The following GALK2 variants were observed in gnomAD, a reference collection of about 807,000 sequenced individuals.
GALK2 encodes N-acetylgalactosamine kinase.
A neutral mutation model predicts 52.4 loss-of-function variants in GALK2; 36 were observed. The ratio of observed to expected loss-of-function variants is 0.69; its 90% CI spans 0.53 to 0.91. GALK2 has a LOEUF of 0.91. Among genes scored for constraint, GALK2 ranks in the 40% least tolerant of loss-of-function variants. The pLI is 0.00. For synonymous variants in GALK2, 176 were observed against 199.1 expected (o/e 0.88, Z 0.98); for missense variants, 579 against 559.1 (o/e 1.04, Z -0.36).
chr15:49,360,445 G>T (rs1384181732), intron 3 of GALK2, among the ~76,000 whole-genome samples: 1 of 152,064 alleles, frequency 6.6e-6, no homozygotes, highest in South Asian at 2.1e-4. Context: ...CCAACATTTT[G>T]GCTCTGAGTT....
At chr15:49,274,762 AT>A (rs1193796396) in intron 5 of GALK2, among the ~76,000 whole-genome samples, 3 of 152,044 alleles carry the variant, frequency 2.0e-5, no homozygotes, top group Non-Finnish European at 4.4e-5. Flanking sequence ...AAATTTTTTA[AT>A]TTTTTAACGT....
In GALK2 at chr15:49,329,029, C is replaced by T. The variant is rs1342496751; in HGVS notation, c.*870C>T. 2.5e-5 allele frequency: 25 copies of T among 1,007,288 alleles called. No homozygotes were observed. Among genetic ancestry groups the T allele is most frequent in the South Asian group, 4.4e-5 (1 of 22,638 alleles). The allele number at this position is 1,007,288 out of a possible 1,614,324, so 62.4% of individuals were successfully genotyped here. A position where few individuals can be genotyped will look rare whatever the true frequency, so the allele number is the denominator to read the frequency against. On this transcript the variant is annotated 3_prime_UTR_variant, in exon 10 of 10. Transcript: ENST00000560031. ...TTACTTTCTTATCACTCTTTTTCTA[C>T]TACTTTTTCTCAAATACCTCTCTAA... is the stretch of plus-strand genomic sequence containing the variant.
At chr15:49,199,220 A>G (rs1048020108) in intron 1 of GALK2, 2 of 152,004 alleles carry the variant, frequency 1.3e-5, no homozygotes, top group Admixed American at 6.6e-5. Context: ...TTGTTTCACT[A>G]TGTTTTGTAG....
intron 5 of GALK2, among the ~76,000 whole-genome samples, chr15:49,244,878 T>C (rs1341738319): frequency 1.3e-5 from 2 of 152,160 alleles, no homozygotes; most frequent in African/African-American, 4.8e-5. Context: ...CTGGTTAATC[T>C]GATATGTTCA....
intron 5 of GALK2, among the ~76,000 whole-genome samples, chr15:49,259,166 G>A (rs1253767663): frequency 2.6e-5 from 4 of 151,720 alleles, no homozygotes; most frequent in Non-Finnish European, 5.9e-5. Context: ...GAAGGATAAA[G>A]TGAGTAGTTC....
chr15:49,300,664 T>C (rs1053268947), intron 8 of GALK2, among the ~76,000 whole-genome samples: 1 of 152,074 alleles, frequency 6.6e-6, no homozygotes, highest in Non-Finnish European at 1.5e-5. Context: ...GTTTTCATGA[T>C]TGTGAGTGAG....
Position 49,361,580 on chromosome 15 carries a change from T to G in GALK2, c.427-5911T>G, listed in dbSNP as rs138876865. ...TATTGCTGCAAAGGACATGATCTTG[T>G]TAGTTTTTATGGCTGCACAGTATTC... On this transcript the variant is annotated intron_variant, in intron 3 of 3. Transcript: ENST00000558399. Among the ~76,000 whole-genome samples the G allele has an allele frequency of 8.4e-4, 128 of 152,312 alleles. 1 individual carries two copies. The highest frequency in any genetic ancestry group is 2.9e-3 in the African/African-American group (122 of 41,574).
chr15:49,258,829 T>A (rs8030740), intron 5 of GALK2, among the ~76,000 whole-genome samples: 71,855 of 123,392 alleles, frequency 0.58, 21,547 homozygotes, highest in Non-Finnish European at 0.63. Context: ...TGTGTGTGTG[T>A]GAGAGAGAGA....
chr15:49,321,158 T>A (rs1476876800), intron 9 of GALK2, among the ~76,000 whole-genome samples: 2 of 152,250 alleles, frequency 1.3e-5, no homozygotes, highest in Admixed American at 1.3e-4. Flanking sequence ...GTACTCTTTC[T>A]GTGGAGTGGT....
At chr15:49,206,647 T>G (rs1031926643) in intron 2 of GALK2, among the ~76,000 whole-genome samples, 1 of 152,184 alleles carries the variant, frequency 6.6e-6, no homozygotes, top group Non-Finnish European at 1.5e-5. Context: ...CTCTGGTCGC[T>G]GTTGGTATAT....
intron 8 of GALK2, among the ~76,000 whole-genome samples, chr15:49,316,386 G>A (rs573456167): frequency 1.4e-5 from 2 of 146,582 alleles, no homozygotes; most frequent in Non-Finnish European, 3.0e-5. Context: ...AACACCACAT[G>A]TTCTCACTCG....
chr15:49,242,369 A>G (rs1253137984), intron 5 of GALK2, among the ~76,000 whole-genome samples: 1 of 152,210 alleles, frequency 6.6e-6, no homozygotes, highest in Non-Finnish European at 1.5e-5. Flanking sequence ...CCAGAAATGC[A>G]GCAAGGCAGA....
chr15:49,170,440 A>G (rs1339116678), intron 1 of GALK2, 65 bp downstream of exon 1: 19 of 1,490,080 alleles, frequency 1.3e-5, no homozygotes, highest in Non-Finnish European at 1.3e-5. Flanking sequence ...TCGGGTCCAC[A>G]GCACTTGGCT....
At chr15:49,239,496 C>G (rs2090990899) in intron 5 of GALK2, 129 bp downstream of exon 5, 1 of 788,758 alleles carries the variant, frequency 1.3e-6, no homozygotes, top group African/African-American at 1.7e-5. Context: ...TGTGGGCAAG[C>G]ATTGTAACTT....
intron 6 of GALK2, 88 bp from the exon 7 acceptor site, chr15:49,283,478 C>A: frequency 1.7e-6 from 2 of 1,208,830 alleles, no homozygotes; most frequent in Non-Finnish European, 2.3e-6. Flanking sequence ...GCATTTTTGA[C>A]AAAACACTTT....
At chr15:49,273,041 C>G (rs559834087) in intron 5 of GALK2, among the ~76,000 whole-genome samples, 1 of 152,292 alleles carries the variant, frequency 6.6e-6, no homozygotes, top group Non-Finnish European at 1.5e-5. Context: ...TCTCCAGGTT[C>G]ATTAGATCAC....
intron 5 of GALK2, among the ~76,000 whole-genome samples, chr15:49,277,951 G>A (rs567738362): frequency 6.6e-6 from 1 of 152,188 alleles, no homozygotes; most frequent in African/African-American, 2.4e-5. Context: ...GCCCCTGTAA[G>A]TAGACCCAAA....
At chr15:49,298,964 T>C (rs2034722840) in intron 8 of GALK2, among the ~76,000 whole-genome samples, 1 of 152,302 alleles carries the variant, frequency 6.6e-6, no homozygotes, top group South Asian at 2.1e-4. Context: ...ATTTTTGGAA[T>C]AATTCCAGTA....
chr15:49,289,144 C>T (rs1313921745), intron 7 of GALK2, among the ~76,000 whole-genome samples: 1 of 152,142 alleles, frequency 6.6e-6, no homozygotes, highest in Non-Finnish European at 1.5e-5. Flanking sequence ...TAACCTCTGT[C>T]TTTTCTGGTG....
Sources: gnomAD v4.1 joint callset for allele counts (sites outside exome capture counted in the v4.1 genomes callset) on GRCh38, gnomAD v4.1.1 for gene constraint, MANE v1.5 for transcripts, NCBI Gene and HGNC (gene_info 2026-07-23, HGNC 2026-07-21) for gene names.